The following RYR3 variants were observed in gnomAD, a reference collection of about 807,000 sequenced individuals.
RYR3 encodes the protein ryanodine receptor 3.
A neutral mutation model predicts 584.3 loss-of-function variants in RYR3; 207 were observed. The observed-to-expected ratio is 0.35, with a 90% CI of 0.32 to 0.40. The LOEUF is 0.40. Among genes scored for constraint, RYR3 ranks in the 10% least tolerant of loss-of-function variants. RYR3 has a pLI of 1.00. For missense variants in RYR3, 5,616 were observed against 6,089.2 expected (o/e 0.92, Z 2.59); for synonymous variants, 2,416 against 2,248.5 (o/e 1.07, Z -2.11).
intron 67 of RYR3, among the ~76,000 whole-genome samples, chr15:33,795,444 G>C (rs1027298501): frequency 1.5e-5 from 2 of 137,704 alleles, no homozygotes; most frequent in African/African-American, 5.7e-5. Flanking sequence ...AGCCAGGCTA[G>C]AGTGCAGTGG....
chr15:33,638,285 A>G (rs1249014693), intron 27 of RYR3, among the ~76,000 whole-genome samples: 2 of 152,214 alleles, frequency 1.3e-5, no homozygotes, highest in African/African-American at 4.8e-5. Flanking sequence ...GTGTACAAGG[A>G]CAACCAGGTG....
chr15:33,855,221 G>A (rs141382616), intron 98 of RYR3, among the ~76,000 whole-genome samples: 80 of 150,812 alleles, frequency 5.3e-4, no homozygotes, highest in African/African-American at 1.9e-3. Context: ...TTTTTGTGAC[G>A]GTGTCTCGCT....
rs555213893 is a variant in RYR3 at position 33,789,473 on chromosome 15, C to G, written c.9830+1015C>G. On this transcript the variant is annotated intron_variant, in intron 67 of 103. Coordinates refer to ENST00000634891, the MANE Select transcript of RYR3 (RefSeq NM_001036.6). The stretch of plus-strand genomic sequence containing the variant: ...GGTGGGAGAGAGTGATGGGGAGGGA[C>G]TGCTTTATGCTTTTTTTTAAGCACT... Among the ~76,000 whole-genome samples, 76 of 150,086 alleles carry G rather than the reference C, an allele frequency of 5.1e-4. 1 individual carries two copies. In the South Asian group the frequency reaches 0.015, roughly 30 times the overall value.
At position 33,848,311 on chromosome 15, in the gene RYR3, A is replaced by C. The variant is rs1294761315; in HGVS notation, c.13518A>C (p.Lys4506Asn). ...CCTAGGTGCCTTTGGTGGTTTTCAAAAGGGAAAAAGAAATCGCCAGGAAGC... is the reference window on the plus strand; with the variant it reads ...CCTAGGTGCCTTTGGTGGTTTTCAACAGGGAAAAAGAAATCGCCAGGAAGC... ...YCLKVPLVVF[K>N]REKEIARKLE... The change falls in exon 94 of 104, where the codon AAA becomes AAC. Residue 4506 changes from lysine to asparagine, a missense_variant. Lys to Asn is a moderately conservative substitution (Grantham distance 94). Around this residue, in one of 9 missense-constraint regions of RYR3, gnomAD observed 918 missense variants for 887.4 expected, o/e 1.03. Transcript: ENST00000634891. The C allele has an allele frequency of 6.2e-7, 1 of 1,613,658 alleles. No homozygotes were observed. Among genetic ancestry groups the C allele is most frequent in the East Asian group, 2.2e-5 (1 of 44,884 alleles).
chr15:33,367,395 A>G (rs1325103895), intron 1 of RYR3, among the ~76,000 whole-genome samples: 1 of 152,070 alleles, frequency 6.6e-6, no homozygotes, highest in East Asian at 1.9e-4. Context: ...ACTCTGCTGT[A>G]GTGTTCAGAG....
intron 40 of RYR3, among the ~76,000 whole-genome samples, chr15:33,699,197 T>A (rs895362390): frequency 6.6e-6 from 1 of 151,950 alleles, no homozygotes; most frequent in African/African-American, 2.4e-5. Flanking sequence ...GTGGGCCTTA[T>A]GTGTCTACGA....
chr15:33,714,862 G>A (rs2067382286), intron 43 of RYR3, among the ~76,000 whole-genome samples: 1 of 152,134 alleles, frequency 6.6e-6, no homozygotes, highest in African/African-American at 2.4e-5. Flanking sequence ...CTCAAAGCAG[G>A]AAACAGAGAA....
At chr15:33,665,426 A>G (rs1322996280) in intron 36 of RYR3, among the ~76,000 whole-genome samples, 1 of 152,148 alleles carries the variant, frequency 6.6e-6, no homozygotes, top group African/African-American at 2.4e-5. Flanking sequence ...TATTACTTTT[A>G]TTGTTGGAGA....
chr15:33,843,377 T>A, intron 91 of RYR3, 111 bp from the exon 92 acceptor site: 1 of 699,986 alleles, frequency 1.4e-6, no homozygotes. Flanking sequence ...CATCAAAGAG[T>A]AGGACGAGTC....
intron 27 of RYR3, among the ~76,000 whole-genome samples, chr15:33,644,046 G>T (rs960997182): frequency 3.3e-5 from 5 of 152,004 alleles, no homozygotes; most frequent in African/African-American, 1.2e-4. Context: ...TATATCTTAC[G>T]AATATTCTTA....
At chr15:33,706,857 G>A in intron 42 of RYR3, 62 bp from the exon 43 acceptor site, 1 of 1,473,782 alleles carries the variant, frequency 6.8e-7, no homozygotes, top group South Asian at 1.3e-5. Flanking sequence ...ATTTTTTGAG[G>A]TGTGTTTTTT....
intron 8 of RYR3, among the ~76,000 whole-genome samples, chr15:33,544,018 T>A (rs8041775): frequency 6.6e-6 from 1 of 152,128 alleles, no homozygotes; most frequent in African/African-American, 2.4e-5. Flanking sequence ...CATCTCTATT[T>A]CCATTTCATG....
At chr15:33,759,595 G>GA (rs1316461366) in intron 60 of RYR3, among the ~76,000 whole-genome samples, 7 of 152,036 alleles carry the variant, frequency 4.6e-5, no homozygotes, top group Non-Finnish European at 1.0e-4. Flanking sequence ...CAAGATTAGA[G>GA]AAAAAAATGA....
At chr15:33,439,060 A>G (rs16970951) in intron 1 of RYR3, among the ~76,000 whole-genome samples, 36,011 of 152,082 alleles carry the variant, frequency 0.24, 4,457 homozygotes, top group Middle Eastern at 0.33. Flanking sequence ...AAGTTCTGTA[A>G]TCTTTTAATG....
intron 1 of RYR3, among the ~76,000 whole-genome samples, chr15:33,407,902 C>G (rs1412555365): frequency 6.6e-6 from 1 of 152,058 alleles, no homozygotes; most frequent in Non-Finnish European, 1.5e-5. Context: ...CCCCTCTACT[C>G]TCATTCAAAA....
intron 43 of RYR3, among the ~76,000 whole-genome samples, chr15:33,718,470 A>T (rs556725227): frequency 1.3e-5 from 2 of 152,342 alleles, no homozygotes; most frequent in African/African-American, 2.4e-5. Context: ...GTACAGTCTA[A>T]TGGGGAAAGC....
intron 85 of RYR3, among the ~76,000 whole-genome samples, chr15:33,827,998 T>C (rs538585387): frequency 1.1e-4 from 16 of 152,332 alleles, no homozygotes; most frequent in African/African-American, 3.8e-4. Context: ...GTGGTAACCC[T>C]GCATCAAGCA....
intron 38 of RYR3, among the ~76,000 whole-genome samples, chr15:33,682,668 C>T (rs1391348425): frequency 6.6e-6 from 1 of 152,196 alleles, no homozygotes; most frequent in Non-Finnish European, 1.5e-5. Context: ...CATCAGAAAA[C>T]ATGTGCCTGG....
intron 1 of RYR3, among the ~76,000 whole-genome samples, chr15:33,320,770 A>T (rs1968857844): frequency 6.6e-6 from 1 of 152,252 alleles, no homozygotes; most frequent in Admixed American, 6.5e-5. Context: ...ACAGTGCTCA[A>T]CATATAGTAA....
Sources: gnomAD v4.1 joint callset for allele counts (sites outside exome capture counted in the v4.1 genomes callset) on GRCh38, gnomAD v4.1.1 for gene constraint, gnomAD v4.1.1 regional missense constraint, MANE v1.5 for transcripts, NCBI Gene and HGNC (gene_info 2026-07-23, HGNC 2026-07-21) for gene names.